SOX6: variants seen among roughly 807,000 people sequenced by gnomAD.
SOX6 encodes the protein SRY-box transcription factor 6.
Under a neutral mutation model 97.8 loss-of-function variants are expected in SOX6, and 11 were observed. The ratio of observed to expected loss-of-function variants is 0.11; its 90% CI spans 0.07 to 0.19. The LOEUF (loss-of-function observed/expected upper bound fraction) is 0.19, where lower values mean the gene tolerates loss of function less well. Among genes scored for constraint, SOX6 ranks in the 10% least tolerant of loss-of-function variants. The pLI is 1.00. For missense variants in SOX6, 810 were observed against 1,039.5 expected (o/e 0.78, Z 3.04); for synonymous variants, 360 against 371.4 (o/e 0.97, Z 0.35).
intron 1 of SOX6, among the ~76,000 whole-genome samples, chr11:16,379,605 G>A (rs1857748868): frequency 6.6e-6 from 1 of 152,210 alleles, no homozygotes; most frequent in African/African-American, 2.4e-5. Context: ...ATAATAATGT[G>A]TCAGAGTGGA....
At chr11:16,208,344 A>G (rs1852127572) in intron 4 of SOX6, among the ~76,000 whole-genome samples, 2 of 152,194 alleles carry the variant, frequency 1.3e-5, no homozygotes, top group Admixed American at 6.5e-5. Flanking sequence ...GCATAAAACT[A>G]CTTTTCTAAT....
At chr11:16,534,943 GA>G (rs1861286058) in intron 4 of SOX6, among the ~76,000 whole-genome samples, 1 of 152,186 alleles carries the variant, frequency 6.6e-6, no homozygotes, top group Non-Finnish European at 1.5e-5. Flanking sequence ...GCTGAAGAGG[GA>G]AAGATTTCTG....
intron 4 of SOX6, among the ~76,000 whole-genome samples, chr11:16,547,644 G>C (rs1298869431): frequency 6.6e-6 from 1 of 152,070 alleles, no homozygotes; most frequent in African/African-American, 2.4e-5. Flanking sequence ...GATTGGGAGG[G>C]TGCAGAATGA....
intron 9 of SOX6, among the ~76,000 whole-genome samples, chr11:16,084,571 CGA>C (rs1848538782): frequency 6.6e-6 from 1 of 152,074 alleles, no homozygotes; most frequent in African/African-American, 2.4e-5. Context: ...AGTTCACAGA[CGA>C]AGAGACTGAG....
intron 4 of SOX6, among the ~76,000 whole-genome samples, chr11:16,215,420 T>C (rs1852346325): frequency 6.6e-6 from 1 of 152,200 alleles, no homozygotes; most frequent in Non-Finnish European, 1.5e-5. Flanking sequence ...CTATTCATGA[T>C]TCATAAGTTT....
chr11:16,483,305 A>G (rs1860376857), intron 4 of SOX6, among the ~76,000 whole-genome samples: 1 of 152,200 alleles, frequency 6.6e-6, no homozygotes, highest in African/African-American at 2.4e-5. Context: ...TTGTGGGTGG[A>G]AATTACAAAG....
chr11:16,209,752 C>CA (rs905782316), intron 4 of SOX6, among the ~76,000 whole-genome samples: 17 of 148,898 alleles, frequency 1.1e-4, no homozygotes, highest in Non-Finnish European at 1.8e-4. Flanking sequence ...GACTCTGTCT[C>CA]AAAAAAAAGA....
intron 9 of SOX6, among the ~76,000 whole-genome samples, chr11:16,073,242 T>C (rs868673333): frequency 3.3e-5 from 5 of 151,980 alleles, no homozygotes; most frequent in Admixed American, 1.3e-4. Context: ...GGTAAAGAGA[T>C]GGAGAAAAAT....
At chr11:16,277,247 C>A (rs565392201) in intron 3 of SOX6, among the ~76,000 whole-genome samples, 1 of 152,094 alleles carries the variant, frequency 6.6e-6, no homozygotes, top group East Asian at 1.9e-4. Flanking sequence ...GAAGGTGGGG[C>A]CTTCATAACA....
chr11:16,607,961 A>AC lies in SOX6; in HGVS notation n.609+4119dup, dbSNP rs1238307106. ...GCCGCAAAGAGAGAGGAGGGCAGAG[A>AC]CATCGGCGAGACCAGAGGTTGGAAC... On this transcript the variant is annotated intron_variant and non_coding_transcript_variant, in intron 4 of 5. Coordinates refer to the SOX6 transcript ENST00000524520. This position sits in a 1 kb window ranked among gnomAD's most constrained non-coding sequence, Gnocchi z 6.5. Among the ~76,000 whole-genome samples the AC allele has an allele frequency of 2.6e-5, 4 of 152,066 alleles. No homozygotes were observed. The highest frequency in any genetic ancestry group is 2.6e-4 in the Admixed American group (4 of 15,264).
intron 1 of SOX6, among the ~76,000 whole-genome samples, chr11:16,380,449 G>GT (rs1857778340): frequency 6.6e-6 from 1 of 151,452 alleles, no homozygotes; most frequent in Non-Finnish European, 1.5e-5. Flanking sequence ...CCATAGTTTG[G>GT]TTTTTTAATC....
chr11:16,731,738 G>T (rs927345277), intron 2 of SOX6, among the ~76,000 whole-genome samples: 2 of 152,114 alleles, frequency 1.3e-5, no homozygotes, highest in African/African-American at 4.8e-5. Context: ...GGAAGTTCTG[G>T]CCAGGGCAAT....
chr11:16,614,356 C>T (rs1314458487), intron 3 of SOX6, among the ~76,000 whole-genome samples: 1 of 152,134 alleles, frequency 6.6e-6, no homozygotes, highest in Non-Finnish European at 1.5e-5. Flanking sequence ...AGGTCACAAA[C>T]GGAGGTCTCC....
In SOX6 at chr11:16,055,757, C is replaced by T; in HGVS notation, c.1246G>A (p.Val416Ile). 1 of 1,613,554 alleles carries T rather than the reference C, an allele frequency of 6.2e-7. No homozygotes were observed. Among genetic ancestry groups the T allele is most frequent in the Non-Finnish European group, 8.5e-7 (1 of 1,179,708 alleles). Residue 416 changes from valine to isoleucine, a missense_variant, in exon 10 of 16, where the codon GTT becomes ATT. Physicochemically the swap from Val to Ile is conservative, Grantham distance 29. Transcript: ENST00000683767. ...EKRGTSPVTQ[V>I]KDEAAAQPLN... ...ATGCTGCAAGGCGAGTGTACCTTAA[C>T]TTGAGTTACAGGGCTGGTCCCTCTC...
At chr11:16,502,489 GGAGA>G in intron 4 of SOX6, among the ~76,000 whole-genome samples, 1 of 151,400 alleles carries the variant, frequency 6.6e-6, no homozygotes, top group African/African-American at 2.4e-5. Context: ...AAACAATTCA[GGAGA>G]GAAATGAGAA....
intron 13 of SOX6, among the ~76,000 whole-genome samples, chr11:15,992,573 C>G (rs1019112479): frequency 5.9e-5 from 9 of 152,110 alleles, no homozygotes; most frequent in Admixed American, 1.3e-4. Flanking sequence ...CAACAACAAA[C>G]CAAATTTGCA....
chr11:16,091,685 A>G (rs1485582935), intron 9 of SOX6, among the ~76,000 whole-genome samples: 7 of 152,074 alleles, frequency 4.6e-5, no homozygotes. Context: ...CAGTAGTTTC[A>G]TTTAAGAATA....
intron 3 of SOX6, chr11:16,264,403 C>T (rs975095026): frequency 3.9e-5 from 6 of 151,918 alleles, no homozygotes; most frequent in Non-Finnish European, 7.4e-5. Flanking sequence ...TACCAAATTA[C>T]AGATAGTTTC....
At chr11:16,249,017 C>A (rs2068570676) in intron 3 of SOX6, among the ~76,000 whole-genome samples, 1 of 151,476 alleles carries the variant, frequency 6.6e-6, no homozygotes, top group Admixed American at 6.6e-5. Context: ...AGGAAAATCA[C>A]TTGAACCCAC....
Sources: allele counts gnomAD v4.1 joint callset (sites outside exome capture counted in the v4.1 genomes callset), GRCh38; gene constraint gnomAD v4.1.1; non-coding constraint Gnocchi (gnomAD v3.1); transcripts MANE v1.5; gene names NCBI Gene and HGNC (gene_info 2026-07-23, HGNC 2026-07-21).